The following RPS4X variants were observed in gnomAD, a reference collection of about 807,000 sequenced individuals.
RPS4X encodes the protein ribosomal protein S4 X-linked.
For missense variants in RPS4X, 90 were observed against 219.1 expected, an observed-to-expected ratio of 0.41 and a Z score of 3.72; for synonymous variants, 76 against 76.8, an observed-to-expected ratio of 0.99 and a Z score of 0.06.
chrX:72,274,998 C>G (rs2043196321), intron 4 of RPS4X, 55 bp downstream of exon 4: 1 of 798,595 alleles, frequency 1.3e-6, no homozygotes. Flanking sequence ...CAATGCAGGC[C>G]CTTAGAACAA....
At chrX:72,274,597 A>G (rs1363944217) in intron 4 of RPS4X, 2 of 270,030 alleles carry the variant, frequency 7.4e-6, no homozygotes, top group African/African-American at 5.7e-5. Flanking sequence ...CTAGTGCCTC[A>G]AGGACTGTCT....
In RPS4X at chrX:72,274,091, C is replaced by T. The variant is rs777100458; in HGVS notation, c.361-119G>A. The T allele has an allele frequency of 4.8e-6, 3 of 626,994 alleles. No individual in the cohort carries two copies. The South Asian group carries it at 7.8e-5, about 16-fold the overall frequency. The allele number at this position is 626,994 out of a possible 1,213,427, so 51.7% of individuals were successfully genotyped here. On this transcript the variant is annotated intron_variant, in intron 4 of 6. Coordinates refer to ENST00000316084, the MANE Select transcript of RPS4X (RefSeq NM_001007.5). ...TAATTGTGACGCTGATCGTTCTTTC[C>T]ACCCTCAAGTGTATGTTGCATAAAG...
chrX:72,275,461 G>T, intron 3 of RPS4X, 83 bp downstream of exon 3: 1 of 788,717 alleles, frequency 1.3e-6, no homozygotes, highest in Non-Finnish European at 1.9e-6. Flanking sequence ...AGATTACAAA[G>T]GTTAGAAAAA....
In RPS4X at chrX:72,273,126, G is replaced by A. The variant is rs374554449; in HGVS notation, c.690+106C>T. ...GTGAGTCCTATCCAGAAGAGGCTTT[G>A]CACTAGGTTCAGCAGAGCCAGCCAG... is the stretch of plus-strand genomic sequence containing the variant. On this transcript the variant is annotated intron_variant, in intron 6 of 6. Transcript: ENST00000316084. The A allele has an allele frequency of 3.6e-4, 276 of 759,350 alleles. No homozygotes were observed. The African/African-American group carries it at 5.4e-3, about 15-fold the overall frequency. The allele number at this position is 759,350 out of a possible 1,213,427, so 62.6% of individuals were successfully genotyped here. A position where few individuals can be genotyped will look rare whatever the true frequency, so the allele number is the denominator to read the frequency against.
Position 72,275,538 on chromosome X carries a change from T to TCTG in RPS4X, c.262+5_262+6insCAG, listed in dbSNP as rs3842472. ...ATGCGTCTCCAGAGTATTTAAAACT[T>TCTG]CTTACCCATGAATCCAGCAGGGTAG... is the stretch of plus-strand genomic sequence containing the variant. On this transcript the variant is annotated splice_donor_region_variant and intron_variant, in intron 3 of 6. Coordinates refer to ENST00000316084, the MANE Select transcript of RPS4X (RefSeq NM_001007.5). 1.3e-5 allele frequency: 16 copies of TCTG among 1,202,794 alleles called. No individual in the cohort carries two copies. The highest frequency in any genetic ancestry group is 1.7e-5 in the Non-Finnish European group (15 of 887,799).
intron 4 of RPS4X, 84 bp from the exon 5 acceptor site, chrX:72,274,056 T>G: frequency 6.1e-6 from 5 of 820,025 alleles, no homozygotes; most frequent in Non-Finnish European, 9.0e-6. Context: ...GTTCCCTAAC[T>G]GCTGCAGATT....
intron 1 of RPS4X, 29 bp downstream of exon 1, chrX:72,277,164 C>T (rs770041664): frequency 2.5e-6 from 3 of 1,210,095 alleles, no homozygotes; most frequent in Non-Finnish European, 3.4e-6. Flanking sequence ...GCGGATACGT[C>T]CTAAGAGCTC....
intron 1 of RPS4X, among the ~76,000 whole-genome samples, chrX:72,276,981 C>A (rs1464876958): frequency 8.9e-6 from 1 of 112,215 alleles, no homozygotes; most frequent in Non-Finnish European, 1.9e-5. Flanking sequence ...GAAACCGAGG[C>A]CTTCCCAACA....
rs371616928 is a variant in RPS4X at position 72,277,227 on chromosome X, T to C, written c.-32A>G. 30 of 1,206,301 alleles carry C rather than the reference T, an allele frequency of 2.5e-5. No homozygotes were observed. Among genetic ancestry groups the C allele is most frequent in the Non-Finnish European group, 3.2e-5 (29 of 892,557 alleles). On this transcript the variant is annotated 5_prime_UTR_variant, in exon 1 of 7. Transcript: ENST00000316084. ...GTTAGGCAAGGAAAGAGGACCTCCGTCTTCCGGTGCGCGTAGAAATTGGGG... is the reference window on the plus strand; with the variant it reads ...GTTAGGCAAGGAAAGAGGACCTCCGCCTTCCGGTGCGCGTAGAAATTGGGG...
intron 6 of RPS4X, 112 bp downstream of exon 6, chrX:72,273,120 G>A: frequency 2.8e-6 from 2 of 703,399 alleles, no homozygotes; most frequent in Non-Finnish European, 4.3e-6. Flanking sequence ...ATCCAGAAGA[G>A]GCTTTGCACT....
chrX:72,273,529 C>G (rs1357493416), intron 5 of RPS4X, 140 bp from the exon 6 acceptor site: 3 of 670,461 alleles, frequency 4.5e-6, no homozygotes, highest in Non-Finnish European at 4.4e-6. Flanking sequence ...CTAGGACTCC[C>G]GGGACTCTCG....
chrX:72,272,890 G>A, intron 6 of RPS4X, 118 bp from the exon 7 acceptor site: 1 of 519,205 alleles, frequency 1.9e-6, no homozygotes, highest in Non-Finnish European at 3.2e-6. Flanking sequence ...AGAGTGCTTG[G>A]CATCAGCTAG....
At position 72,277,196 on chromosome X, in the gene RPS4X, G is replaced by A. The variant is rs764913550; in HGVS notation, c.-1C>T. 6 of 1,210,641 alleles carry A rather than the reference G, an allele frequency of 5.0e-6. No homozygotes were observed. The East Asian group carries it at 8.9e-5, about 18-fold the overall frequency. On this transcript the variant is annotated 5_prime_UTR_variant, in exon 1 of 7. Transcript: ENST00000316084. ...GCTCGCTAACTAAACGGCTTACCATGGCTGCGTTAGGCAAGGAAAGAGGAC... is the reference window on the plus strand; with the variant it reads ...GCTCGCTAACTAAACGGCTTACCATAGCTGCGTTAGGCAAGGAAAGAGGAC...
At chrX:72,276,567 C>T (rs2043205189) in intron 1 of RPS4X, among the ~76,000 whole-genome samples, 1 of 111,799 alleles carries the variant, frequency 8.9e-6, no homozygotes, top group African/African-American at 3.3e-5. Context: ...TTCAAGAACA[C>T]CATACTAGTG....
chrX:72,274,102 G>T, intron 4 of RPS4X, 130 bp from the exon 5 acceptor site: 1 of 578,431 alleles, frequency 1.7e-6, no homozygotes, highest in Non-Finnish European at 2.8e-6. Flanking sequence ...ACCCTCAAGT[G>T]TATGTTGCAT....
intron 1 of RPS4X, among the ~76,000 whole-genome samples, chrX:72,276,745 TAA>T (rs1312299878): frequency 8.9e-6 from 1 of 112,549 alleles, no homozygotes; most frequent in Non-Finnish European, 1.9e-5. Context: ...AATTTTACTT[TAA>T]AAAGAGTAAG....
At chrX:72,276,120 A>G (rs753443650) in intron 2 of RPS4X, 37 bp downstream of exon 2, 3 of 1,116,006 alleles carry the variant, frequency 2.7e-6, no homozygotes, top group East Asian at 6.0e-5. Flanking sequence ...GACACTTAAA[A>G]ACAGTGGCCA....
At chrX:72,274,394 C>T (rs1158292214) in intron 4 of RPS4X, 2 of 342,347 alleles carry the variant, frequency 5.8e-6, no homozygotes, top group African/African-American at 2.6e-5. Context: ...CAAATAATCA[C>T]AGATCCCACT....
At position 72,273,948 on chromosome X, in the gene RPS4X, T is replaced by A. The variant is rs2043191240; in HGVS notation, c.385A>T (p.Ile129Phe). 4.1e-6 allele frequency: 5 copies of A among 1,210,931 alleles called. No homozygotes were observed. Among genetic ancestry groups the A allele is most frequent in the Non-Finnish European group, 5.6e-6 (5 of 894,933 alleles). Reference protein sequence around the residue: ...AKYKLCKVRKIFVGTKGIPHL... With the variant: ...AKYKLCKVRKFFVGTKGIPHL... ...GGGATTCCTTTTGTGCCCACAAAGA[T>A]CTTTCTCACTTTGCACAACTTGTAC... Residue 129 changes from isoleucine (I) to phenylalanine (F), a missense_variant, in exon 5 of 7, where the codon ATC (isoleucine) becomes TTC (phenylalanine). Transcript: ENST00000316084.
Sources: allele counts gnomAD v4.1 joint callset (sites outside exome capture counted in the v4.1 genomes callset), GRCh38; gene constraint gnomAD v4.1.1; transcripts MANE v1.5; gene names NCBI Gene and HGNC (gene_info 2026-07-23, HGNC 2026-07-21).